PDE6A: variants seen among roughly 807,000 people sequenced by gnomAD.
The protein encoded by PDE6A is rod cGMP-specific 3',5'-cyclic phosphodiesterase subunit alpha.
A neutral mutation model predicts 106.3 loss-of-function variants in PDE6A; 84 were observed. That is an observed-to-expected ratio of 0.79 (90% CI 0.66 to 0.95). The LOEUF (loss-of-function observed/expected upper bound fraction) is 0.95, where lower values mean the gene tolerates loss of function less well. PDE6A is among the 40% of genes least tolerant of loss of function. PDE6A has a pLI of 0.00. For missense variants in PDE6A, 1,052 were observed against 1,084.9 expected, an observed-to-expected ratio of 0.97 and a Z score of 0.43; for synonymous variants, 394 against 386.6, an observed-to-expected ratio of 1.02 and a Z score of -0.23.
At chr5:149,870,507 T>G (rs1254884199) in intron 17 of PDE6A, among the ~76,000 whole-genome samples, 1 of 152,164 alleles carries the variant, frequency 6.6e-6, no homozygotes, top group Admixed American at 6.5e-5. Flanking sequence ...TTTCTTTAGC[T>G]GGAGGGATCA....
chr5:149,926,837 G>A (rs1240212506), intron 4 of PDE6A, among the ~76,000 whole-genome samples: 2 of 152,064 alleles, frequency 1.3e-5, no homozygotes, highest in African/African-American at 4.8e-5. Context: ...AATTAGCTGG[G>A]TGTGGTGGTG....
intron 6 of PDE6A, 79 bp from the exon 7 acceptor site, chr5:149,907,457 T>TC: frequency 8.8e-7 from 1 of 1,137,158 alleles, no homozygotes; most frequent in Non-Finnish European, 1.3e-6. Flanking sequence ...GTGTTTGCGC[T>TC]CCCCCTGCTC....
At chr5:149,908,248 A>AG (rs1753265319) in intron 6 of PDE6A, among the ~76,000 whole-genome samples, 1 of 152,200 alleles carries the variant, frequency 6.6e-6, no homozygotes, top group African/African-American at 2.4e-5. Flanking sequence ...GACATCCCCC[A>AG]TCCCTTCACT....
intron 6 of PDE6A, among the ~76,000 whole-genome samples, chr5:149,911,569 C>T (rs545014212): frequency 2.6e-5 from 4 of 152,266 alleles, no homozygotes; most frequent in African/African-American, 7.2e-5. Context: ...TGGCTAACAA[C>T]GATCACACAA....
Position 149,858,275 on chromosome 5 carries a change from G to C in PDE6A, c.*2620C>G, listed in dbSNP as rs188603235. The C allele has an allele frequency of 1.2e-3, 175 of 152,100 alleles. No individual in the cohort carries two copies. The highest frequency in any genetic ancestry group is 3.9e-3 in the African/African-American group (160 of 41,484). 9.4% of individuals were successfully genotyped at this position (152,100 alleles called of 1,614,324 possible). On this transcript the variant is annotated 3_prime_UTR_variant, in exon 22 of 22. Coordinates refer to ENST00000255266, the MANE Select transcript of PDE6A (RefSeq NM_000440.3). ...CCTCCATAAAGCTGGTGGTGGGGGG[G>C]GAACGATAGAGAAGGAAAAAAAATC...
intron 5 of PDE6A, among the ~76,000 whole-genome samples, chr5:149,918,684 T>A (rs1753622697): frequency 6.6e-6 from 1 of 152,196 alleles, no homozygotes; most frequent in African/African-American, 2.4e-5. Context: ...CAATCTTGGC[T>A]CACTGGAGCC....
intron 6 of PDE6A, among the ~76,000 whole-genome samples, chr5:149,912,254 G>A (rs538564700): frequency 3.3e-4 from 50 of 152,212 alleles, no homozygotes; most frequent in African/African-American, 1.1e-3. Context: ...ATTAGCTGGG[G>A]CTATAGACAG....
rs1752264131 is a variant in PDE6A at position 149,885,567 on chromosome 5, TTAGAAGC to T, written c.1838+691_1838+697del. On this transcript the variant is annotated intron_variant, in intron 14 of 21. Transcript: ENST00000255266. ...CTGGCATAGAGCCTACCACACTATA[TTAGAAGC>T]ACTGTAAATACGAGATGAGTGAATG... Among the ~76,000 whole-genome samples the T allele has an allele frequency of 2.0e-5, 3 of 152,316 alleles. No individual in the cohort carries two copies. The South Asian group carries it at 6.2e-4, about 32-fold the overall frequency.
chr5:149,920,978 G>GAAA (rs1247529136), intron 5 of PDE6A, among the ~76,000 whole-genome samples: 3 of 132,262 alleles, frequency 2.3e-5, no homozygotes, highest in African/African-American at 1.2e-4. Flanking sequence ...AAGAAAGAAA[G>GAAA]AAAGAAAGAA....
At chr5:149,929,954 G>T (rs1439227744) in intron 4 of PDE6A, among the ~76,000 whole-genome samples, 1 of 151,964 alleles carries the variant, frequency 6.6e-6, no homozygotes, top group African/African-American at 2.4e-5. Flanking sequence ...GTAGAGACAG[G>T]TCTCACCATG....
At chr5:149,928,223 A>ATTTTTTT in intron 4 of PDE6A, among the ~76,000 whole-genome samples, 1 of 29,956 alleles carries the variant, frequency 3.3e-5, no homozygotes, top group South Asian at 7.2e-4. Context: ...ATATATATAT[A>ATTTTTTT]TATATATATT....
rs1292353417 is a variant in PDE6A, at chr5:149,903,314, G to T, written c.1113+334C>A. 4.0e-5 allele frequency among the ~76,000 whole-genome samples: 6 copies of T among 149,304 alleles called. No individual in the cohort carries two copies. In the South Asian group the frequency reaches 1.0e-3, roughly 26 times the overall value. On this transcript the variant is annotated intron_variant, in intron 8 of 21. Coordinates refer to ENST00000255266, the MANE Select transcript of PDE6A (RefSeq NM_000440.3). ...TATTGTATATCTTGTATACAATATT[G>T]TATAATTGTATACATTATATAATTG...
At chr5:149,871,145 C>A (rs1760533922) in intron 17 of PDE6A, among the ~76,000 whole-genome samples, 1 of 152,040 alleles carries the variant, frequency 6.6e-6, no homozygotes, top group African/African-American at 2.4e-5. Flanking sequence ...AAGACAGGGT[C>A]TTTGTGGGGT....
chr5:149,874,198 C>T (rs1051936750), intron 17 of PDE6A, among the ~76,000 whole-genome samples: 1 of 152,070 alleles, frequency 6.6e-6, no homozygotes, highest in African/African-American at 2.4e-5. Context: ...ATACTAAATT[C>T]CTATAGTTAG....
intron 13 of PDE6A, 101 bp downstream of exon 13, chr5:149,895,082 T>G (rs550191712): frequency 4.9e-5 from 38 of 780,900 alleles, no homozygotes; most frequent in African/African-American, 4.6e-4. Context: ...AGACAATAAA[T>G]AAAGAAAGAA....
intron 17 of PDE6A, among the ~76,000 whole-genome samples, chr5:149,871,333 A>C (rs539116378): frequency 1.3e-5 from 2 of 152,328 alleles, no homozygotes; most frequent in African/African-American, 4.8e-5. Flanking sequence ...TTTATCCCAC[A>C]CATGCAGGTT....
chr5:149,937,195 A>G (rs1224626436), intron 1 of PDE6A, among the ~76,000 whole-genome samples: 1 of 152,182 alleles, frequency 6.6e-6, no homozygotes, highest in Non-Finnish European at 1.5e-5. Flanking sequence ...AGCACGGAGC[A>G]TGCAAAGGCC....
chr5:149,872,975 G>C (rs1481578641), intron 17 of PDE6A, among the ~76,000 whole-genome samples: 4 of 152,188 alleles, frequency 2.6e-5, no homozygotes, highest in Non-Finnish European at 5.9e-5. Context: ...CCGTAGATAA[G>C]CACAGCATGG....
chr5:149,868,082 C>T lies in PDE6A; in HGVS notation c.2199+13G>A, dbSNP rs751365781. 1.2e-6 allele frequency: 2 copies of T among 1,613,054 alleles called. No homozygotes were observed. Among genetic ancestry groups the T allele is most frequent in the African/African-American group, 1.3e-5 (1 of 74,904 alleles). ...TGGGATGCCCCTCCTCTTGGGTCAGCAGGAGTTCATACCTGGCTCTGCACC... is the reference window on the plus strand; with the variant it reads ...TGGGATGCCCCTCCTCTTGGGTCAGTAGGAGTTCATACCTGGCTCTGCACC... On this transcript the variant is annotated intron_variant, in intron 18 of 21. Coordinates refer to ENST00000255266, the MANE Select transcript of PDE6A (RefSeq NM_000440.3).
Sources: gnomAD v4.1 joint callset for allele counts (sites outside exome capture counted in the v4.1 genomes callset) on GRCh38, gnomAD v4.1.1 for gene constraint, MANE v1.5 for transcripts, NCBI Gene and HGNC (gene_info 2026-07-23, HGNC 2026-07-21) for gene names.